The following CRISPLD1 variants were observed in gnomAD, a reference collection of about 807,000 sequenced individuals.
CRISPLD1 encodes the protein cysteine-rich secretory protein LCCL domain-containing 1.
A neutral mutation model predicts 77.5 loss-of-function variants in CRISPLD1; 60 were observed. The ratio of observed to expected loss-of-function variants is 0.77; its 90% CI spans 0.63 to 0.96. The LOEUF (loss-of-function observed/expected upper bound fraction) is 0.96, where lower values mean the gene tolerates loss of function less well. Ranked by LOEUF, CRISPLD1 falls within the 40% of genes least tolerant of loss-of-function variation. The pLI is 0.00. For synonymous variants in CRISPLD1, 195 were observed against 200.1 expected (o/e 0.97, Z 0.22); for missense variants, 623 against 615.8 (o/e 1.01, Z -0.12).
chr8:75,016,456 T>G, intron 6 of CRISPLD1, 109 bp from the exon 7 acceptor site: 1 of 1,121,568 alleles, frequency 8.9e-7, no homozygotes, highest in South Asian at 2.0e-5. Flanking sequence ...ACAGTACTGA[T>G]TTTTCTAGTT....
chr8:75,006,925 A>G (rs1812842198), intron 2 of CRISPLD1, among the ~76,000 whole-genome samples: 1 of 152,138 alleles, frequency 6.6e-6, no homozygotes, highest in Non-Finnish European at 1.5e-5. Flanking sequence ...ATATCCTTTA[A>G]TGTAATCCAA....
rs1813368190 is a variant in CRISPLD1, at chr8:75,032,476, T to C, written c.*234T>C. The C allele has an allele frequency of 2.8e-6, 1 of 363,382 alleles. No homozygotes were observed. Among genetic ancestry groups the C allele is most frequent in the African/African-American group, 2.1e-5 (1 of 47,800 alleles). 22.5% of individuals were successfully genotyped at this position (363,382 alleles called of 1,614,324 possible). A position where few individuals can be genotyped will look rare whatever the true frequency, so the allele number is the denominator to read the frequency against. On this transcript the variant is annotated 3_prime_UTR_variant, in exon 15 of 15. Transcript: ENST00000262207. ...AGAAATCCTGTGTTAAATATTGCTA[T>C]ATTTTCTTAGCAGTTATTTCTACAG...
At chr8:74,993,232 A>G (rs572219217) in intron 2 of CRISPLD1, among the ~76,000 whole-genome samples, 7 of 152,304 alleles carry the variant, frequency 4.6e-5, no homozygotes, top group African/African-American at 1.7e-4. Flanking sequence ...TTTAATGGCA[A>G]TTAAGGTTAT....
At chr8:75,026,623 AC>A (rs780350806) in intron 13 of CRISPLD1, 18 of 152,212 alleles carry the variant, frequency 1.2e-4, no homozygotes, top group South Asian at 2.1e-4. Context: ...TGAGGCAAAC[AC>A]TTAGAAACCA....
At chr8:74,987,238 A>G (rs1812510793) in intron 2 of CRISPLD1, among the ~76,000 whole-genome samples, 1 of 152,210 alleles carries the variant, frequency 6.6e-6, no homozygotes, top group African/African-American at 2.4e-5. Context: ...AACTTTTACC[A>G]GAAAAAATTA....
At chr8:74,996,522 A>G (rs1459708811) in intron 2 of CRISPLD1, among the ~76,000 whole-genome samples, 1 of 152,022 alleles carries the variant, frequency 6.6e-6, no homozygotes, top group Non-Finnish European at 1.5e-5. Context: ...GAATTGGTGA[A>G]TTACAAGGAG....
At chr8:75,008,644 C>T (rs1405589808) in intron 2 of CRISPLD1, among the ~76,000 whole-genome samples, 2 of 152,034 alleles carry the variant, frequency 1.3e-5, no homozygotes, top group Non-Finnish European at 2.9e-5. Flanking sequence ...TAGTTGCATG[C>T]CCCTCTGCTT....
At chr8:75,024,969 A>G (rs1281859463) in intron 12 of CRISPLD1, among the ~76,000 whole-genome samples, 1 of 152,120 alleles carries the variant, frequency 6.6e-6, no homozygotes, top group African/African-American at 2.4e-5. Flanking sequence ...AGAGAAGGAG[A>G]TTAGGAATTT....
chr8:75,012,893 T>C lies in CRISPLD1; in HGVS notation c.381T>C (p.Tyr127=), dbSNP rs200298882. The C allele has an allele frequency of 1.5e-5, 24 of 1,609,418 alleles. No individual in the cohort carries two copies. The highest frequency in any genetic ancestry group is 1.2e-4 in the Admixed American group (7 of 59,344). ...GTGACTATTTTCTTTCTAATAGATA[T>C]AGGCCCCCGACGTTTCATGTACAAT... ...GQNLGAHWGR[Y]RPPTFHVQSW... is the part of the protein sequence containing the mutation. Residue 127 remains tyrosine (Y), a synonymous_variant, in exon 4 of 15, where the codon TAT becomes TAC. Transcript: ENST00000262207.
Position 75,013,983 on chromosome 8 carries a change from A to T in CRISPLD1, c.511-4A>T. On this transcript the variant is annotated splice_polypyrimidine_tract_variant and splice_region_variant and intron_variant, in intron 4 of 14. Transcript: ENST00000262207. ...TTTCTGAGCCTTTCATTTTTCTAAC[A>T]TAGGTCGTGTGGGCAACTAGTAACA... 6.2e-7 allele frequency: 1 copy of T among 1,601,378 alleles called. No individual in the cohort carries two copies. Among genetic ancestry groups the T allele is most frequent in the Non-Finnish European group, 8.6e-7 (1 of 1,168,950 alleles).
At chr8:74,985,854 G>A (rs969674650) in intron 1 of CRISPLD1, 72 bp from the exon 2 acceptor site, 2 of 982,714 alleles carry the variant, frequency 2.0e-6, no homozygotes, top group Admixed American at 2.3e-5. Context: ...TGTAACTGTT[G>A]TTTTGCTCGT....
At chr8:75,000,284 G>T (rs150041631) in intron 2 of CRISPLD1, 1 of 985,306 alleles carries the variant, frequency 1.0e-6, no homozygotes, top group East Asian at 1.1e-4. Flanking sequence ...TCCAGAGAAG[G>T]AAAATCAAAT....
chr8:75,016,097 G>C (rs1171952862), intron 6 of CRISPLD1, among the ~76,000 whole-genome samples: 2 of 152,088 alleles, frequency 1.3e-5, no homozygotes, highest in Non-Finnish European at 2.9e-5. Context: ...TATGGACATG[G>C]ATTTTGTCAT....
At chr8:75,026,175 C>T (rs1018924289) in intron 13 of CRISPLD1, among the ~76,000 whole-genome samples, 1 of 152,072 alleles carries the variant, frequency 6.6e-6, no homozygotes, top group Non-Finnish European at 1.5e-5. Flanking sequence ...ACCTCAAACT[C>T]GGGCTCAAGT....
At chr8:74,985,709 A>T (rs979050342) in intron 1 of CRISPLD1, among the ~76,000 whole-genome samples, 4 of 152,182 alleles carry the variant, frequency 2.6e-5, no homozygotes, top group African/African-American at 7.2e-5. Context: ...TGGATAATAC[A>T]GTTGTCTAGT....
At chr8:75,029,259 G>T in intron 13 of CRISPLD1, 128 bp from the exon 14 acceptor site, 1 of 925,898 alleles carries the variant, frequency 1.1e-6, no homozygotes, top group Non-Finnish European at 1.6e-6. Context: ...ACCTCATCCT[G>T]TAGCTGCTCA....
At chr8:74,987,630 A>G (rs1172533391) in intron 2 of CRISPLD1, among the ~76,000 whole-genome samples, 1 of 152,202 alleles carries the variant, frequency 6.6e-6, no homozygotes, top group African/African-American at 2.4e-5. Flanking sequence ...GTAATGTCTC[A>G]TATTTCTGCT....
chr8:75,033,216 T>G lies in CRISPLD1; in HGVS notation c.*974T>G, dbSNP rs1813384011. On this transcript the variant is annotated 3_prime_UTR_variant, in exon 15 of 15. Transcript: ENST00000262207. ...TACTAAAAATCTGTAAAATGTTAGTTTTGGTAATTTTTTTTCTGCTGGTGG... is the reference window on the plus strand; with the variant it reads ...TACTAAAAATCTGTAAAATGTTAGTGTTGGTAATTTTTTTTCTGCTGGTGG... The G allele has an allele frequency of 6.6e-6, 1 of 152,390 alleles. No individual in the cohort carries two copies. Among genetic ancestry groups the G allele is most frequent in the South Asian group, 2.1e-4 (1 of 4,832 alleles). 9.4% of individuals were successfully genotyped at this position (152,390 alleles called of 1,614,324 possible). A position where few individuals can be genotyped will look rare whatever the true frequency, so the allele number is the denominator to read the frequency against.
chr8:75,025,646 G>A (rs1813220792), intron 13 of CRISPLD1, 25 bp downstream of exon 13: 2 of 1,186,548 alleles, frequency 1.7e-6, no homozygotes, highest in African/African-American at 1.5e-5. Flanking sequence ...TTATACAGCT[G>A]TCAACATTCA....
Sources: gnomAD v4.1 joint callset for allele counts (sites outside exome capture counted in the v4.1 genomes callset) on GRCh38, gnomAD v4.1.1 for gene constraint, MANE v1.5 for transcripts, NCBI Gene and HGNC (gene_info 2026-07-23, HGNC 2026-07-21) for gene names.